Variants in ABCA5 observed in about 807,000 individuals in gnomAD.
The protein encoded by ABCA5 is cholesterol transporter ABCA5.
In ABCA5, 163 loss-of-function variants were observed where a neutral mutation model predicts 206.0. That is an observed-to-expected ratio of 0.79 (90% confidence interval 0.70 to 0.90). The LOEUF is 0.90. ABCA5 is among the 40% of genes least tolerant of loss of function. ABCA5 has a pLI of 0.00. For missense variants in ABCA5, 1,859 were observed against 1,912.9 expected (o/e 0.97, Z 0.53); for synonymous variants, 609 against 613.8 (o/e 0.99, Z 0.11).
rs541549831 is a variant in ABCA5, at chr17:69,274,247, C to T, written c.2595-119G>A. 42 of 926,756 alleles carry T rather than the reference C, an allele frequency of 4.5e-5. No individual in the cohort carries two copies. In the African/African-American group the frequency reaches 6.8e-4, roughly 15 times the overall value. 57.4% of individuals were successfully genotyped at this position (926,756 alleles called of 1,614,324 possible). A position where few individuals can be genotyped will look rare whatever the true frequency, so the allele number is the denominator to read the frequency against. On this transcript the variant is annotated intron_variant, in intron 19 of 38. Coordinates refer to ENST00000392676, the MANE Select transcript of ABCA5 (RefSeq NM_172232.4). ...TTTTTGTTTTTATTTGAGACAGGGTCTGGTTCTGTCACCCAGGCTGGAGTG... is the reference window on the plus strand; with the variant it reads ...TTTTTGTTTTTATTTGAGACAGGGTTTGGTTCTGTCACCCAGGCTGGAGTG...
At chr17:69,289,329 A>T (rs1351479339) in intron 13 of ABCA5, 33 bp from the exon 14 acceptor site, 8 of 1,463,192 alleles carry the variant, frequency 5.5e-6, no homozygotes, top group South Asian at 3.1e-5. Flanking sequence ...ATGTTATTTT[A>T]AAAATCATAC....
intron 10 of ABCA5, 129 bp from the exon 11 acceptor site, chr17:69,294,842 C>A: frequency 3.6e-6 from 2 of 560,028 alleles, no homozygotes; most frequent in Non-Finnish European, 5.8e-6. Context: ...AAAGTACTTT[C>A]CTACTAAAAC....
intron 6 of ABCA5, among the ~76,000 whole-genome samples, chr17:69,305,649 C>T (rs1234972066): frequency 1.3e-5 from 2 of 152,150 alleles, no homozygotes; most frequent in African/African-American, 2.4e-5. Context: ...ATGAGAGGAT[C>T]ACTTGAGGCC....
At position 69,302,813 on chromosome 17, in the gene ABCA5, C is replaced by T. The variant is rs201754950; in HGVS notation, c.1024G>A (p.Gly342Ser). 3 of 1,597,210 alleles carry T rather than the reference C, an allele frequency of 1.9e-6. No individual in the cohort carries two copies. Among genetic ancestry groups the T allele is most frequent in the South Asian group, 1.1e-5 (1 of 87,130 alleles). Reference protein sequence around the residue: ...FFVTVAFGFIGLMIILIESFP... With the variant: ...FFVTVAFGFISLMIILIESFP... ...CTTTCTATGAGGATTATCATAAGGC[C>T]AATAAATCCAAAAGCCACAGTAACA... The change falls in exon 8 of 39, where the codon GGC becomes AGC. Residue 342 changes from glycine (G) to serine (S), a missense_variant. Transcript: ENST00000392676.
chr17:69,295,209 G>A (rs1355002207), intron 10 of ABCA5, among the ~76,000 whole-genome samples: 1 of 152,174 alleles, frequency 6.6e-6, no homozygotes, highest in East Asian at 1.9e-4. Context: ...TATCTGAAAT[G>A]ACAGGTAACC....
chr17:69,251,736 T>G lies in ABCA5; in HGVS notation c.4535+11A>C. Reference sequence around the variant, plus strand: ...CTCTTCCCCTGAATGGCACGCTATTTAGACATCAACCTTAACTGCCCAGAC... The same window carrying G: ...CTCTTCCCCTGAATGGCACGCTATTGAGACATCAACCTTAACTGCCCAGAC... On this transcript the variant is annotated intron_variant, in intron 35 of 38. Transcript: ENST00000392676. The G allele has an allele frequency of 6.2e-7, 1 of 1,609,356 alleles. No homozygotes were observed. The highest frequency in any genetic ancestry group is 8.5e-7 in the Non-Finnish European group (1 of 1,178,996).
At chr17:69,274,244 G>T in intron 19 of ABCA5, 116 bp from the exon 20 acceptor site, 1 of 986,564 alleles carries the variant, frequency 1.0e-6, no homozygotes, top group Non-Finnish European at 1.4e-6. Context: ...TTTGAGACAG[G>T]GTCTGGTTCT....
In ABCA5 at chr17:69,278,550, G is replaced by T. The variant is rs1183028592; in HGVS notation, c.2393-708C>A. Among the ~76,000 whole-genome samples, 7 of 152,040 alleles carry T rather than the reference G, an allele frequency of 4.6e-5. No individual in the cohort carries two copies. In the East Asian group the frequency reaches 1.4e-3, roughly 29 times the overall value. ...ATGCCTACTTCAATATAATTTCCTG[G>T]GATTACTGAGGTTGTACATGATCAA... On this transcript the variant is annotated intron_variant, in intron 18 of 38. Coordinates refer to ENST00000392676, the MANE Select transcript of ABCA5 (RefSeq NM_172232.4).
chr17:69,251,862 C>T lies in ABCA5; in HGVS notation c.4420G>A (p.Ala1474Thr). ...DPKAKQHMWR[A>T]IRTAFKNRKR... ...CTGTTTTTAAATGCAGTTCGAATTG[C>T]TCGCCTATAAAACATAAATAAAACA... The change falls in exon 35 of 39, where the codon GCA becomes ACA. Residue 1474 changes from alanine (A) to threonine (T), a missense_variant. Physicochemically the swap from Ala to Thr is moderately conservative, Grantham distance 58 (BLOSUM62 0). Coordinates refer to ENST00000392676, the MANE Select transcript of ABCA5 (RefSeq NM_172232.4). 6.2e-7 allele frequency: 1 copy of T among 1,612,660 alleles called. No homozygotes were observed. The highest frequency in any genetic ancestry group is 1.3e-5 in the African/African-American group (1 of 74,892).
chr17:69,324,632 T>C (rs1392114368), intron 1 of ABCA5, among the ~76,000 whole-genome samples: 1 of 152,194 alleles, frequency 6.6e-6, no homozygotes, highest in Non-Finnish European at 1.5e-5. Context: ...CTTCCATCTG[T>C]AGGATCACCC....
chr17:69,256,369 C>T, intron 28 of ABCA5, 86 bp from the exon 29 acceptor site: 1 of 794,280 alleles, frequency 1.3e-6, no homozygotes, highest in Non-Finnish European at 1.8e-6. Context: ...AGAGAAAAGA[C>T]TGAAAAAATA....
In ABCA5 at chr17:69,264,977, T is replaced by C. The variant is rs1598158439; in HGVS notation, c.3145-72A>G. The C allele has an allele frequency of 1.2e-5, 13 of 1,086,508 alleles. No homozygotes were observed. The East Asian group carries it at 3.1e-4, about 26-fold the overall frequency. 67.3% of individuals were successfully genotyped at this position (1,086,508 alleles called of 1,614,324 possible). A position where few individuals can be genotyped will look rare whatever the true frequency, so the allele number is the denominator to read the frequency against. ...AACACACAAATAAATTAGTAAATTA[T>C]TGTAGATCTCTTAATTTTACATCAG... is the stretch of plus-strand genomic sequence containing the variant. On this transcript the variant is annotated intron_variant, in intron 23 of 38. Transcript: ENST00000392676.
intron 18 of ABCA5, among the ~76,000 whole-genome samples, chr17:69,281,013 T>C (rs190024079): frequency 8.6e-4 from 131 of 151,578 alleles, no homozygotes; most frequent in Non-Finnish European, 1.7e-3. Context: ...GCACATGTAC[T>C]CTAAAACTTA....
At chr17:69,321,155 AG>A (rs2075861999) in intron 1 of ABCA5, among the ~76,000 whole-genome samples, 1 of 152,192 alleles carries the variant, frequency 6.6e-6, no homozygotes, top group Admixed American at 6.5e-5. Context: ...ACTGGGATGA[AG>A]GAAGAATGTG....
chr17:69,253,921 A>G, intron 32 of ABCA5, 52 bp from the exon 33 acceptor site: 1 of 1,419,264 alleles, frequency 7.0e-7, no homozygotes, highest in Non-Finnish European at 9.8e-7. Context: ...ATAAACACAA[A>G]TACCAACTGG....
Position 69,250,619 on chromosome 17 carries a change from C to T in ABCA5, c.4538G>A (p.Cys1513Tyr). The T allele has an allele frequency of 1.3e-6, 2 of 1,539,558 alleles. No homozygotes were observed. The highest frequency in any genetic ancestry group is 1.3e-5 in the South Asian group (1 of 78,752). The change falls in exon 36 of 39, where the codon TGT (cysteine) becomes TAT (tyrosine). Residue 1513 changes from cysteine to tyrosine, a missense_variant and splice_region_variant. Cys to Tyr is a radical substitution (Grantham distance 194, BLOSUM62 -2). Coordinates refer to ENST00000392676, the MANE Select transcript of ABCA5 (RefSeq NM_172232.4). The part of the protein sequence containing the change: ...VAIMVSGQLR[C>Y]IGTVQHLKSK... Reference sequence around the variant, plus strand: ...CTTTAGATGTTGTACTGTTCCGATACATCTGAAGTAATTTTTTAAAAGAAA... The same window carrying T: ...CTTTAGATGTTGTACTGTTCCGATATATCTGAAGTAATTTTTTAAAAGAAA...
At chr17:69,275,941 G>A (rs996085386) in intron 19 of ABCA5, among the ~76,000 whole-genome samples, 12 of 152,148 alleles carry the variant, frequency 7.9e-5, no homozygotes, top group Non-Finnish European at 1.5e-4. Flanking sequence ...TGCAAGCCAG[G>A]AAGACAGCCA....
rs911133834 is a variant in ABCA5 at position 69,256,257 on chromosome 17, C to T, written c.3758G>A (p.Arg1253Lys). Residue 1253 changes from arginine to lysine, a missense_variant, in exon 29 of 39, where the codon AGG becomes AAG. Arg to Lys is a conservative substitution (Grantham distance 26, BLOSUM62 2). Transcript: ENST00000392676. The stretch of plus-strand genomic sequence containing the variant: ...ATTGTCTGGTGGTTCTGGAAGCTTC[C>T]TATTTTTAGACTTCGTTGAAAGGTT... The part of the protein sequence containing the change: ...FRNLSTKSKN[R>K]KLPEPPDNED... 3 of 1,602,994 alleles carry T rather than the reference C, an allele frequency of 1.9e-6. No individual in the cohort carries two copies. Among genetic ancestry groups the T allele is most frequent in the Non-Finnish European group, 1.7e-6 (2 of 1,173,862 alleles).
intron 11 of ABCA5, among the ~76,000 whole-genome samples, chr17:69,291,955 A>C (rs528895305): frequency 6.6e-6 from 1 of 152,152 alleles, no homozygotes; most frequent in South Asian, 2.1e-4. Flanking sequence ...TCTACAAAAA[A>C]TATAAAAATT....
Sources: gnomAD v4.1 joint callset for allele counts (sites outside exome capture counted in the v4.1 genomes callset) on GRCh38, gnomAD v4.1.1 for gene constraint, MANE v1.5 for transcripts, NCBI Gene and HGNC (gene_info 2026-07-23, HGNC 2026-07-21) for gene names.